The following ZNF407 variants were observed in gnomAD, a reference collection of about 807,000 sequenced individuals.
ZNF407 encodes the protein zinc finger protein 407.
ZNF407 carries 17 observed loss-of-function variants against 131.2 expected under a neutral mutation model. The ratio of observed to expected loss-of-function variants is 0.13; its 90% CI spans 0.09 to 0.19. The LOEUF (loss-of-function observed/expected upper bound fraction) is 0.19. Ranked by LOEUF, ZNF407 falls within the 10% of genes least tolerant of loss-of-function variation. The pLI is 1.00. For missense variants in ZNF407, 2,681 were observed against 2,830.6 expected, an observed-to-expected ratio of 0.95 and a Z score of 1.20; for synonymous variants, 1,156 against 1,062.0, an observed-to-expected ratio of 1.09 and a Z score of -1.72.
At chr18:74,875,795 A>G (rs2145178285) in intron 4 of ZNF407, among the ~76,000 whole-genome samples, 1 of 152,334 alleles carries the variant, frequency 6.6e-6, no homozygotes, top group South Asian at 2.1e-4. Context: ...TTACATATAT[A>G]GATAAATAAA....
intron 3 of ZNF407, among the ~76,000 whole-genome samples, chr18:74,746,900 T>C (rs937781722): frequency 6.6e-6 from 1 of 152,196 alleles, no homozygotes; most frequent in Admixed American, 6.6e-5. Flanking sequence ...ATCAGTTACA[T>C]ACTGTTAATA....
At chr18:74,713,719 G>A (rs559869296) in intron 3 of ZNF407, among the ~76,000 whole-genome samples, 44 of 152,114 alleles carry the variant, frequency 2.9e-4, no homozygotes, top group African/African-American at 9.6e-4. Context: ...CAAACAGACC[G>A]TGCTATAGAG....
rs1971595244 is a variant in ZNF407, at chr18:74,906,386, G to A, written c.5250-14128G>A. Among the ~76,000 whole-genome samples, 6 of 152,330 alleles carry A rather than the reference G, an allele frequency of 3.9e-5. No individual in the cohort carries two copies. The South Asian group carries it at 1.2e-3, about 32-fold the overall frequency. On this transcript the variant is annotated intron_variant, in intron 7 of 8. Coordinates refer to ENST00000299687, the MANE Select transcript of ZNF407 (RefSeq NM_017757.3). ...TAAACACGAGGATCCAGGCACGTAA[G>A]CACATCCACCTCTGCCCCAACTGTC...
intron 3 of ZNF407, among the ~76,000 whole-genome samples, chr18:74,672,345 C>A (rs180773917): frequency 6.6e-6 from 1 of 152,218 alleles, no homozygotes; most frequent in South Asian, 2.1e-4. Flanking sequence ...GCTGCATGTA[C>A]GTCTTCTCTT....
chr18:74,895,054 A>G (rs571194752), intron 7 of ZNF407, among the ~76,000 whole-genome samples: 14 of 152,258 alleles, frequency 9.2e-5, no homozygotes, highest in African/African-American at 3.4e-4. Context: ...GAGCAGAAGA[A>G]TAGAATCTGC....
At position 74,633,166 on chromosome 18, in the gene ZNF407, C is replaced by T; in HGVS notation, c.2147C>T (p.Ser716Phe). ...AAGAAGTGTTTTTATAAAACAAGAT[C>T]TTCTACTGTTCTCACGAGACATATA... ...QCKKCFYKTRSSTVLTRHIKL... is the reference protein window; with the variant it reads ...QCKKCFYKTRFSTVLTRHIKL... Residue 716 changes from serine (S) to phenylalanine (F), a missense_variant, in exon 2 of 9, where the codon TCT (serine) becomes TTT (phenylalanine). Coordinates refer to ENST00000299687, the MANE Select transcript of ZNF407 (RefSeq NM_017757.3). 6.2e-7 allele frequency: 1 copy of T among 1,613,326 alleles called. No individual in the cohort carries two copies. The highest frequency in any genetic ancestry group is 8.5e-7 in the Non-Finnish European group (1 of 1,179,656).
intron 7 of ZNF407, among the ~76,000 whole-genome samples, chr18:74,897,831 G>C (rs889769120): frequency 6.6e-6 from 1 of 152,122 alleles, no homozygotes; most frequent in African/African-American, 2.4e-5. Flanking sequence ...TACAGTGTGG[G>C]GTTGGATGTA....
At chr18:74,855,083 A>G (rs961325997) in intron 4 of ZNF407, among the ~76,000 whole-genome samples, 6 of 152,198 alleles carry the variant, frequency 3.9e-5, no homozygotes, top group African/African-American at 1.4e-4. Context: ...TAGTAAATGG[A>G]AATGACTTAA....
At chr18:74,973,675 G>A (rs951096015) in intron 8 of ZNF407, among the ~76,000 whole-genome samples, 31 of 152,204 alleles carry the variant, frequency 2.0e-4, no homozygotes, top group African/African-American at 6.8e-4. Context: ...CAACAGAAAT[G>A]TATTGTCTCA....
intron 7 of ZNF407, among the ~76,000 whole-genome samples, chr18:74,914,176 C>G (rs903608430): frequency 6.6e-6 from 1 of 152,206 alleles, no homozygotes; most frequent in East Asian, 1.9e-4. Flanking sequence ...TGGGGAATCT[C>G]ACTTCCCTTC....
rs35091804 is a variant in ZNF407 at position 75,021,650 on chromosome 18, T to TA, written c.5429-41499dup. Among the ~76,000 whole-genome samples, 641 of 152,220 alleles carry TA rather than the reference T, an allele frequency of 4.2e-3. 3 individuals are homozygous for TA. Among genetic ancestry groups the TA allele is most frequent in the African/African-American group, 0.015 (611 of 41,546 alleles). ...AATATTTAATAAATTTTGTGAGACT[T>TA]ACTAGGATAGCAGTTTGACAGAGTC... On this transcript the variant is annotated intron_variant, in intron 8 of 8. Coordinates refer to ENST00000299687, the MANE Select transcript of ZNF407 (RefSeq NM_017757.3).
chr18:74,933,241 T>C (rs1972003308), intron 8 of ZNF407, among the ~76,000 whole-genome samples: 1 of 152,214 alleles, frequency 6.6e-6, no homozygotes, highest in Admixed American at 6.5e-5. Context: ...GCACATGCTA[T>C]TACATGGATG....
chr18:74,851,328 C>G (rs2145146626), intron 4 of ZNF407, among the ~76,000 whole-genome samples: 1 of 152,226 alleles, frequency 6.6e-6, no homozygotes, highest in African/African-American at 2.4e-5. Context: ...ACATTTCTTT[C>G]TTTTTTAACA....
At chr18:74,827,623 C>T (rs1970426697) in intron 4 of ZNF407, among the ~76,000 whole-genome samples, 1 of 152,146 alleles carries the variant, frequency 6.6e-6, no homozygotes, top group African/African-American at 2.4e-5. Context: ...TTCTTTGTCT[C>T]AGCCCTGGAA....
rs796531893 is a variant in ZNF407, at chr18:74,879,358, G to A, written c.5045-1678G>A. Reference sequence around the variant, plus strand: ...CACTAGCACACACCACCAGATGTGTGTGTGGTGCTGCACACACACTCCTCA... The same window carrying A: ...CACTAGCACACACCACCAGATGTGTATGTGGTGCTGCACACACACTCCTCA... On this transcript the variant is annotated intron_variant, in intron 5 of 8. Transcript: ENST00000299687. 9.9e-5 allele frequency among the ~76,000 whole-genome samples: 15 copies of A among 152,166 alleles called. 1 individual carries two copies. Among genetic ancestry groups the A allele is most frequent in the African/African-American group, 3.1e-4 (13 of 41,502 alleles).
At chr18:74,638,314 C>G (rs976741023) in intron 2 of ZNF407, among the ~76,000 whole-genome samples, 3 of 152,162 alleles carry the variant, frequency 2.0e-5, no homozygotes, top group African/African-American at 7.2e-5. Flanking sequence ...TCATCTGTGT[C>G]CCACATTAGT....
intron 8 of ZNF407, among the ~76,000 whole-genome samples, chr18:75,031,725 C>A (rs1973242595): frequency 6.6e-6 from 1 of 152,212 alleles, no homozygotes; most frequent in Non-Finnish European, 1.5e-5. Context: ...GTCGTAACTT[C>A]TTAACTTCTG....
intron 7 of ZNF407, 45 bp from the exon 8 acceptor site, chr18:74,920,469 T>C (rs1971832286): frequency 2.0e-6 from 3 of 1,473,578 alleles, no homozygotes; most frequent in African/African-American, 1.4e-5. Context: ...GATAAGGTTA[T>C]TGGTTTGACC....
At chr18:74,951,265 A>G (rs1972210489) in intron 8 of ZNF407, among the ~76,000 whole-genome samples, 1 of 152,212 alleles carries the variant, frequency 6.6e-6, no homozygotes, top group African/African-American at 2.4e-5. Context: ...AACAGTGGAA[A>G]TCCCCACAAG....
Sources: gnomAD v4.1 joint callset for allele counts (sites outside exome capture counted in the v4.1 genomes callset) on GRCh38, gnomAD v4.1.1 for gene constraint, MANE v1.5 for transcripts, NCBI Gene and HGNC (gene_info 2026-07-23, HGNC 2026-07-21) for gene names.